DSCAM: variants seen among roughly 807,000 people sequenced by gnomAD.
The protein encoded by DSCAM is cell adhesion molecule DSCAM.
Under a neutral mutation model 217.7 loss-of-function variants are expected in DSCAM, and 47 were observed. That is an observed-to-expected ratio of 0.22 (90% CI 0.17 to 0.28). The LOEUF (loss-of-function observed/expected upper bound fraction) is 0.28, where lower values mean the gene tolerates loss of function less well. DSCAM is among the 10% of genes least tolerant of loss of function. The pLI is 1.00. For missense variants in DSCAM, 2,080 were observed against 2,618.3 expected, an observed-to-expected ratio of 0.79 and a Z score of 4.49; for synonymous variants, 1,056 against 1,015.3, an observed-to-expected ratio of 1.04 and a Z score of -0.76.
rs61560593 is a variant in DSCAM at position 40,512,010 on chromosome 21, A to AAAAAAAAAAAG, written c.509-142766_509-142765insCTTTTTTTTTT. Among the ~76,000 whole-genome samples the AAAAAAAAAAAG allele has an allele frequency of 1.5e-4, 16 of 106,414 alleles. 3 individuals are homozygous for AAAAAAAAAAAG. Among genetic ancestry groups the AAAAAAAAAAAG allele is most frequent in the African/African-American group, 2.2e-4 (6 of 26,936 alleles). 69.8% of individuals were successfully genotyped at this position (106,414 alleles called of 152,430 possible). A position where few individuals can be genotyped will look rare whatever the true frequency, so the allele number is the denominator to read the frequency against. On this transcript the variant is annotated intron_variant, in intron 3 of 32. Coordinates refer to ENST00000400454, the MANE Select transcript of DSCAM (RefSeq NM_001389.5). Reference sequence around the variant, plus strand: ...TGTCTCAAAAAAAAAAAAAAAAAAAAGTATTCTATTTGAGGTCTTGCTTTT... The same window carrying AAAAAAAAAAAG: ...TGTCTCAAAAAAAAAAAAAAAAAAAAAAAAAAAAAAGGTATTCTATTTGAGGTCTTGCTTTT...
chr21:40,734,309 A>G (rs2091041597), intron 1 of DSCAM, among the ~76,000 whole-genome samples: 1 of 152,178 alleles, frequency 6.6e-6, no homozygotes, highest in Non-Finnish European at 1.5e-5. Flanking sequence ...AAGATAAGAA[A>G]AGGGGCACGC....
At chr21:40,438,283 A>G (rs2075601221) in intron 3 of DSCAM, among the ~76,000 whole-genome samples, 1 of 152,074 alleles carries the variant, frequency 6.6e-6, no homozygotes. Context: ...TGTCCAAAGT[A>G]AAACAATTCT....
chr21:40,042,707 C>A (rs779617677), intron 31 of DSCAM, 34 bp from the exon 32 acceptor site: 1 of 1,559,114 alleles, frequency 6.4e-7, no homozygotes, highest in Non-Finnish European at 8.6e-7. Context: ...AGACGGACGA[C>A]TCACCATCAG....
At chr21:40,565,279 G>T (rs555191360) in intron 3 of DSCAM, among the ~76,000 whole-genome samples, 1 of 152,130 alleles carries the variant, frequency 6.6e-6, no homozygotes, top group Non-Finnish European at 1.5e-5. Flanking sequence ...ACTGTAGCTC[G>T]AAGAAGACCA....
intron 3 of DSCAM, among the ~76,000 whole-genome samples, chr21:40,422,882 G>C (rs562430487): frequency 1.3e-5 from 2 of 152,052 alleles, no homozygotes; most frequent in Admixed American, 6.6e-5. Flanking sequence ...TAAAATGTTC[G>C]TCTATCCACA....
intron 3 of DSCAM, among the ~76,000 whole-genome samples, chr21:40,517,121 G>A (rs2076307505): frequency 6.8e-6 from 1 of 146,454 alleles, no homozygotes; most frequent in Non-Finnish European, 1.5e-5. Context: ...CATACCTTAT[G>A]TGTATATATA....
chr21:40,611,362 T>G (rs535544334), intron 3 of DSCAM, among the ~76,000 whole-genome samples: 1 of 152,240 alleles, frequency 6.6e-6, no homozygotes, highest in Non-Finnish European at 1.5e-5. Flanking sequence ...CGGCCTAGTT[T>G]TCAATTTTAA....
intron 3 of DSCAM, among the ~76,000 whole-genome samples, chr21:40,677,223 T>C (rs536293274): frequency 1.5e-4 from 22 of 145,788 alleles, no homozygotes; most frequent in Admixed American, 6.9e-4. Context: ...TAAAAAAAAA[T>C]GTGTGCATAA....
chr21:40,491,682 T>C (rs1360080390), intron 3 of DSCAM, among the ~76,000 whole-genome samples: 2 of 152,136 alleles, frequency 1.3e-5, no homozygotes, highest in Non-Finnish European at 2.9e-5. Flanking sequence ...ACACTGGCCT[T>C]TGTGCTGTTT....
At chr21:40,592,602 C>T (rs1443865072) in intron 3 of DSCAM, among the ~76,000 whole-genome samples, 2 of 152,182 alleles carry the variant, frequency 1.3e-5, no homozygotes, top group East Asian at 3.9e-4. Context: ...TTTCTTGCCT[C>T]TGTGTGCTTG....
intron 2 of DSCAM, among the ~76,000 whole-genome samples, chr21:40,699,394 A>C (rs2090630708): frequency 6.6e-6 from 1 of 152,240 alleles, no homozygotes; most frequent in Non-Finnish European, 1.5e-5. Flanking sequence ...TATTCATGTG[A>C]AAGAAATGGT....
At chr21:40,108,369 G>T (rs2089848840) in intron 20 of DSCAM, among the ~76,000 whole-genome samples, 1 of 152,150 alleles carries the variant, frequency 6.6e-6, no homozygotes, top group African/African-American at 2.4e-5. Flanking sequence ...CAGTCAAGCT[G>T]AGAGCCAAAT....
chr21:40,383,384 TA>T, intron 3 of DSCAM: 1 of 152,318 alleles, frequency 6.6e-6, no homozygotes, highest in East Asian at 1.9e-4. Context: ...CATGATGAAT[TA>T]AAATGGAGTG....
chr21:40,574,706 ATT>A (rs35778831), intron 3 of DSCAM, among the ~76,000 whole-genome samples: 88,262 of 127,190 alleles, frequency 0.69, 29,940 homozygotes, highest in Middle Eastern at 0.75. Context: ...AAGGTGCCTG[ATT>A]TTTTTTTTTT....
intron 3 of DSCAM, 134 bp from the exon 4 acceptor site, chr21:40,369,379 C>A: frequency 2.8e-5 from 16 of 568,124 alleles, no homozygotes; most frequent in Admixed American, 3.9e-5. Flanking sequence ...TGGGTGCGTG[C>A]GTCTGCGTGT....
chr21:40,449,742 A>G (rs1253205882), intron 3 of DSCAM, among the ~76,000 whole-genome samples: 1 of 152,208 alleles, frequency 6.6e-6, no homozygotes, highest in East Asian at 1.9e-4. Context: ...ACATCTATAT[A>G]TCTTTTTTAC....
In DSCAM at chr21:40,736,809, G is replaced by C. The variant is rs7284049; in HGVS notation, c.44-28038C>G. On this transcript the variant is annotated intron_variant, in intron 1 of 32. Coordinates refer to ENST00000400454, the MANE Select transcript of DSCAM (RefSeq NM_001389.5). ...TGAAGTTACAATCTTAAATAGCATA[G>C]GGTTTTTTTTGCACCAAGTTATTCT... Among the ~76,000 whole-genome samples, 1,513 of 151,632 alleles carry C rather than the reference G, an allele frequency of 1.0e-2. 23 individuals are homozygous for C. The highest frequency in any genetic ancestry group is 0.035 in the African/African-American group (1,442 of 40,952).
At chr21:40,779,123 G>A (rs548520982) in intron 1 of DSCAM, among the ~76,000 whole-genome samples, 57 of 150,576 alleles carry the variant, frequency 3.8e-4, no homozygotes, top group Non-Finnish European at 7.5e-4. Context: ...AGAAAAGATG[G>A]AATAGCTAAC....
chr21:40,553,476 ACATCC>A (rs2076646212), intron 3 of DSCAM, among the ~76,000 whole-genome samples: 1 of 152,264 alleles, frequency 6.6e-6, no homozygotes, highest in African/African-American at 2.4e-5. Context: ...TGTACAGGAC[ACATCC>A]CAAGGCCCTG....
Sources: gnomAD v4.1 joint callset for allele counts (sites outside exome capture counted in the v4.1 genomes callset) on GRCh38, gnomAD v4.1.1 for gene constraint, MANE v1.5 for transcripts, NCBI Gene and HGNC (gene_info 2026-07-23, HGNC 2026-07-21) for gene names.